DZANK1: variants seen among roughly 807,000 people sequenced by gnomAD.
DZANK1 encodes the protein double zinc ribbon and ankyrin repeat-containing protein 1.
Under a neutral mutation model 94.5 loss-of-function variants are expected in DZANK1, and 91 were observed. The ratio of observed to expected loss-of-function variants is 0.96; its 90% CI spans 0.81 to 1.15. The LOEUF (loss-of-function observed/expected upper bound fraction) is 1.15. Ranked by LOEUF, DZANK1 falls within the 50% of genes most tolerant of loss-of-function variation. The probability of loss-of-function intolerance (pLI) is 0.00; values close to 1 mark genes in which losing one functional copy is unlikely to be tolerated. For synonymous variants in DZANK1, 312 were observed against 325.3 expected (o/e 0.96, Z 0.44); for missense variants, 903 against 916.4 (o/e 0.99, Z 0.19).
intron 20 of DZANK1, 55 bp downstream of exon 20, chr20:18,384,961 A>G: frequency 6.7e-7 from 1 of 1,501,094 alleles, no homozygotes; most frequent in Non-Finnish European, 9.1e-7. Context: ...ATCACAGGCC[A>G]TTAGGGAGAT....
intron 10 of DZANK1, among the ~76,000 whole-genome samples, chr20:18,424,371 C>T (rs1282278254): frequency 1.3e-5 from 2 of 151,808 alleles, no homozygotes; most frequent in Non-Finnish European, 2.9e-5. Context: ...AGGAGAATGG[C>T]TTGAACCCAG....
chr20:18,398,444 G>T, intron 14 of DZANK1, 79 bp downstream of exon 14: 1 of 1,342,720 alleles, frequency 7.4e-7, no homozygotes, highest in Non-Finnish European at 1.1e-6. Context: ...GCAAGATGCA[G>T]TTTCAGGCAA....
chr20:18,415,202 G>A, intron 11 of DZANK1, 125 bp downstream of exon 11: 5 of 986,156 alleles, frequency 5.1e-6, no homozygotes, highest in Non-Finnish European at 6.8e-6. Flanking sequence ...AGATTCTTAG[G>A]TTATAGGTAC....
intron 10 of DZANK1, among the ~76,000 whole-genome samples, chr20:18,423,567 G>A (rs2057894749): frequency 6.6e-6 from 1 of 152,158 alleles, no homozygotes; most frequent in African/African-American, 2.4e-5. Flanking sequence ...CAAGTTAGAT[G>A]CTGGGCCATA....
At chr20:18,415,227 CAAG>C in intron 11 of DZANK1, 97 bp downstream of exon 11, 2 of 1,265,618 alleles carry the variant, frequency 1.6e-6, no homozygotes, top group Admixed American at 3.1e-5. Context: ...AGCGAAATCA[CAAG>C]AAGTGATTTC....
intron 8 of DZANK1, among the ~76,000 whole-genome samples, chr20:18,438,218 CAAA>C (rs761846698): frequency 3.5e-5 from 2 of 57,750 alleles, no homozygotes; most frequent in Non-Finnish European, 6.1e-5. Context: ...GACTCTGTCT[CAAA>C]AAAAAAAAAA....
At chr20:18,458,760 AC>A (rs1397170408) in intron 3 of DZANK1, among the ~76,000 whole-genome samples, 2 of 152,154 alleles carry the variant, frequency 1.3e-5, no homozygotes, top group African/African-American at 4.8e-5. Flanking sequence ...ACGCACACTT[AC>A]AACCCCACAT....
intron 10 of DZANK1, chr20:18,420,985 T>G (rs1365608898): frequency 3.0e-5 from 5 of 166,700 alleles, no homozygotes; most frequent in African/African-American, 1.2e-4. Flanking sequence ...ATTTTTTTTG[T>G]CCACATGAAT....
chr20:18,396,374 T>C, intron 15 of DZANK1, 98 bp downstream of exon 15: 1 of 1,039,832 alleles, frequency 9.6e-7, no homozygotes, highest in Non-Finnish European at 1.4e-6. Flanking sequence ...TGTGTGAAAC[T>C]TTTCCTTTCT....
At chr20:18,393,838 A>T in intron 16 of DZANK1, 27 bp from the exon 17 acceptor site, 1 of 1,451,154 alleles carries the variant, frequency 6.9e-7, no homozygotes, top group Non-Finnish European at 9.6e-7. Flanking sequence ...GGGGAAAAAA[A>T]TGATGCCCCT....
chr20:18,465,463 C>A, intron 1 of DZANK1, 86 bp from the exon 2 acceptor site: 1 of 428,870 alleles, frequency 2.3e-6, no homozygotes, highest in Middle Eastern at 5.1e-4. Flanking sequence ...CTAGTTAAAA[C>A]GAGAGAATAC....
At chr20:18,464,181 C>T (rs1189300907) in intron 2 of DZANK1, among the ~76,000 whole-genome samples, 1 of 151,902 alleles carries the variant, frequency 6.6e-6, no homozygotes, top group Non-Finnish European at 1.5e-5. Context: ...TCAAGCAATT[C>T]TCCTGCCTCA....
chr20:18,433,862 G>T, intron 8 of DZANK1, 97 bp from the exon 9 acceptor site: 2 of 1,024,140 alleles, frequency 2.0e-6, no homozygotes, highest in Non-Finnish European at 2.9e-6. Flanking sequence ...GTACCACCCT[G>T]AACATTCCCG....
Position 18,396,477 on chromosome 20 carries a change from T to C in DZANK1, c.1606A>G (p.Asn536Asp), listed in dbSNP as rs2056348303. ...ACTTCTGGAGGCTTACTCACCTTGTTTGAGACTTGACTATAATTCAGTCTG... is the reference window on the plus strand; with the variant it reads ...ACTTCTGGAGGCTTACTCACCTTGTCTGAGACTTGACTATAATTCAGTCTG... Residue 536 changes from asparagine to aspartate, a missense_variant, in exon 15 of 21, where the codon AAC becomes GAC. Physicochemically the swap from Asn to Asp is conservative, Grantham distance 23 (BLOSUM62 1). Transcript: ENST00000262547. The C allele has an allele frequency of 1.2e-6, 2 of 1,612,476 alleles. No homozygotes were observed. The highest frequency in any genetic ancestry group is 8.5e-7 in the Non-Finnish European group (1 of 1,179,042).
chr20:18,448,935 ATGTATCTT>A (rs2058990273), intron 7 of DZANK1, 41 bp downstream of exon 7: 1 of 1,401,784 alleles, frequency 7.1e-7, no homozygotes, highest in Admixed American at 1.8e-5. Context: ...TTTGACCATG[ATGTATCTT>A]TGTAGGATTT....
At position 18,390,534 on chromosome 20, in the gene DZANK1, T is replaced by C. The variant is rs373566180; in HGVS notation, c.1810-75A>G. The stretch of plus-strand genomic sequence containing the variant: ...CAAGGCAAACACTTTCTTTCCAACA[T>C]TGAATTCTAAGTCACAAGGACAGGT... On this transcript the variant is annotated intron_variant, in intron 17 of 20. Transcript: ENST00000262547. The C allele has an allele frequency of 2.0e-5, 29 of 1,426,414 alleles. 1 individual carries two copies. The highest frequency in any genetic ancestry group is 1.8e-4 in the African/African-American group (13 of 71,482). 88.4% of individuals were successfully genotyped at this position (1,426,414 alleles called of 1,614,324 possible).
chr20:18,385,173 T>G, intron 19 of DZANK1, 83 bp from the exon 20 acceptor site: 1 of 1,405,624 alleles, frequency 7.1e-7, no homozygotes, highest in Non-Finnish European at 9.8e-7. Flanking sequence ...CCCAAGGTCC[T>G]GGTTTTGCTC....
intron 7 of DZANK1, among the ~76,000 whole-genome samples, chr20:18,445,823 C>T (rs1258926756): frequency 6.6e-6 from 1 of 152,192 alleles, no homozygotes; most frequent in African/African-American, 2.4e-5. Context: ...GTGGCATGAT[C>T]TCGGCTCACT....
intron 10 of DZANK1, among the ~76,000 whole-genome samples, chr20:18,417,981 G>T (rs540159343): frequency 3.0e-4 from 45 of 152,214 alleles, no homozygotes; most frequent in African/African-American, 1.0e-3. Flanking sequence ...AGCTACTTGG[G>T]AAGCTGAGGC....
Sources: allele counts gnomAD v4.1 joint callset (sites outside exome capture counted in the v4.1 genomes callset), GRCh38; gene constraint gnomAD v4.1.1; transcripts MANE v1.5; gene names NCBI Gene and HGNC (gene_info 2026-07-23, HGNC 2026-07-21).